The following DLGAP2 variants were observed in gnomAD, a reference collection of about 807,000 sequenced individuals.
DLGAP2 encodes DLG associated protein 2.
Under a neutral mutation model 100.3 loss-of-function variants are expected in DLGAP2, and 26 were observed. That is an observed-to-expected ratio of 0.26 (90% CI 0.19 to 0.36). The LOEUF is 0.36. Among genes scored for constraint, DLGAP2 ranks in the 10% least tolerant of loss-of-function variants. The probability of loss-of-function intolerance (pLI) is 1.00; values close to 1 mark genes in which losing one functional copy is unlikely to be tolerated. For missense variants in DLGAP2, 1,858 were observed against 1,453.2 expected, an observed-to-expected ratio of 1.28 and a Z score of -4.53; for synonymous variants, 886 against 630.1, an observed-to-expected ratio of 1.41 and a Z score of -6.08.
chr8:1,168,151 C>A (rs28412488), intron 2 of DLGAP2, among the ~76,000 whole-genome samples: 20,350 of 149,772 alleles, frequency 0.14, 1,539 homozygotes, highest in East Asian at 0.24. Context: ...TTGTTCTTGC[C>A]ATAGTTTACT....
chr8:1,110,946 G>T (rs1167016582), intron 2 of DLGAP2, among the ~76,000 whole-genome samples: 1 of 152,052 alleles, frequency 6.6e-6, no homozygotes, highest in Non-Finnish European at 1.5e-5. Flanking sequence ...TGTGAGGGTT[G>T]GTTCCTTGGC....
At chr8:1,515,102 A>C (rs1800319795) in intron 4 of DLGAP2, among the ~76,000 whole-genome samples, 1 of 152,156 alleles carries the variant, frequency 6.6e-6, no homozygotes, top group Non-Finnish European at 1.5e-5. Flanking sequence ...GTTTGGCCTG[A>C]AATGGGATGG....
chr8:1,662,882 CG>C (rs1798443854), intron 8 of DLGAP2, among the ~76,000 whole-genome samples: 2 of 110,516 alleles, frequency 1.8e-5, no homozygotes, highest in African/African-American at 7.3e-5. Flanking sequence ...GGTGTGTGCG[CG>C]TGTGTACATG....
chr8:793,397 C>G (rs1224336688), intron 1 of DLGAP2, among the ~76,000 whole-genome samples: 1 of 152,140 alleles, frequency 6.6e-6, no homozygotes, highest in African/African-American at 2.4e-5. Flanking sequence ...CTCCCCTCGC[C>G]CTGATGATTT....
intron 3 of DLGAP2, among the ~76,000 whole-genome samples, chr8:1,424,627 C>G (rs750248954): frequency 3.3e-5 from 5 of 151,978 alleles, no homozygotes; most frequent in African/African-American, 9.7e-5. Context: ...GTCAGATGCA[C>G]AGACAGAAGG....
At chr8:1,697,885 G>A (rs947695683) in intron 14 of DLGAP2, among the ~76,000 whole-genome samples, 9 of 152,158 alleles carry the variant, frequency 5.9e-5, no homozygotes, top group African/African-American at 1.2e-4. Flanking sequence ...CACTTCTTCC[G>A]TGATGCTGTC....
At chr8:1,277,293 G>T (rs1799717884) in intron 3 of DLGAP2, among the ~76,000 whole-genome samples, 1 of 152,086 alleles carries the variant, frequency 6.6e-6, no homozygotes, top group Non-Finnish European at 1.5e-5. Flanking sequence ...AGCCCCCCCA[G>T]TTATTTGGTA....
At position 1,498,402 on chromosome 8, in the gene DLGAP2, C is replaced by T. The variant is rs539447447; in HGVS notation, c.107-2964C>T. Among the ~76,000 whole-genome samples, 43 of 151,868 alleles carry T rather than the reference C, an allele frequency of 2.8e-4. 2 individuals are homozygous for T. Among genetic ancestry groups the T allele is most frequent in the Admixed American group, 2.1e-3 (32 of 15,248 alleles). On this transcript the variant is annotated intron_variant, in intron 3 of 14. Coordinates refer to ENST00000637795, the MANE Select transcript of DLGAP2 (RefSeq NM_001346810.2). ...AATAAAAAAAAAAAAATTACACATT[C>T]GGGATGGAAATATTTTTATTTTGTT...
At chr8:1,293,032 G>A (rs531074002) in intron 3 of DLGAP2, among the ~76,000 whole-genome samples, 3 of 152,258 alleles carry the variant, frequency 2.0e-5, no homozygotes, top group Non-Finnish European at 4.4e-5. Context: ...TGCTTATCCA[G>A]GCCTTTGAGT....
At chr8:1,656,506 C>G (rs1188555050) in intron 8 of DLGAP2, among the ~76,000 whole-genome samples, 1 of 152,152 alleles carries the variant, frequency 6.6e-6, no homozygotes, top group African/African-American at 2.4e-5. Flanking sequence ...GTGCCATCTC[C>G]CCTTCTGACA....
chr8:789,495 G>T (rs146618334), intron 1 of DLGAP2, among the ~76,000 whole-genome samples: 5 of 152,332 alleles, frequency 3.3e-5, no homozygotes, highest in African/African-American at 9.6e-5. Context: ...CGACACTGGG[G>T]ATCACAATTT....
At chr8:1,170,110 C>G (rs1189259244) in intron 2 of DLGAP2, among the ~76,000 whole-genome samples, 2 of 152,122 alleles carry the variant, frequency 1.3e-5, no homozygotes, top group East Asian at 1.9e-4. Context: ...TGAATTTTGT[C>G]AAAGGCCTTT....
chr8:1,100,009 G>A (rs1804522745), intron 2 of DLGAP2, among the ~76,000 whole-genome samples: 1 of 152,202 alleles, frequency 6.6e-6, no homozygotes, highest in Non-Finnish European at 1.5e-5. Context: ...TTCTAGAAAT[G>A]AACAAGTCAT....
intron 6 of DLGAP2, among the ~76,000 whole-genome samples, chr8:1,570,764 A>G (rs548056269): frequency 7.2e-6 from 1 of 139,016 alleles, no homozygotes; most frequent in South Asian, 2.4e-4. Flanking sequence ...GAGAGGGGTG[A>G]ACTGCGGGGG....
At chr8:886,840 T>G (rs1311347833) in intron 1 of DLGAP2, among the ~76,000 whole-genome samples, 2 of 152,236 alleles carry the variant, frequency 1.3e-5, no homozygotes, top group Non-Finnish European at 2.9e-5. Context: ...AGAATGTATA[T>G]TCTGTTGATT....
rs1195097634 is a variant in DLGAP2 at position 1,168,552 on chromosome 8, G to C, written c.74-90299G>C. Among the ~76,000 whole-genome samples the C allele has an allele frequency of 1.3e-3, 193 of 146,738 alleles. 1 individual carries two copies. The highest frequency in any genetic ancestry group is 4.7e-3 in the African/African-American group (186 of 39,624). On this transcript the variant is annotated intron_variant, in intron 2 of 14. Transcript: ENST00000637795. Reference sequence around the variant, plus strand: ...TCCTCTCCAGCACCTGTTGTTTCCTGACTTTTTAATGATCGCCATTCTAAC... The same window carrying C: ...TCCTCTCCAGCACCTGTTGTTTCCTCACTTTTTAATGATCGCCATTCTAAC...
At chr8:824,426 G>T (rs2132691248) in intron 1 of DLGAP2, among the ~76,000 whole-genome samples, 1 of 152,180 alleles carries the variant, frequency 6.6e-6, no homozygotes, top group Middle Eastern at 3.4e-3. Context: ...TGATTTAGAT[G>T]CTGCCAGGGT....
intron 2 of DLGAP2, among the ~76,000 whole-genome samples, chr8:1,178,001 G>C (rs980628798): frequency 1.3e-5 from 2 of 152,202 alleles, no homozygotes; most frequent in Non-Finnish European, 2.9e-5. Flanking sequence ...GGCTGTGGCC[G>C]TGGCCAGTGG....
chr8:1,054,947 A>G (rs1802833640), intron 2 of DLGAP2, among the ~76,000 whole-genome samples: 1 of 152,262 alleles, frequency 6.6e-6, no homozygotes, highest in Non-Finnish European at 1.5e-5. Flanking sequence ...AGTGGCACAC[A>G]AAAATAGTTT....
Sources: allele counts gnomAD v4.1 joint callset (sites outside exome capture counted in the v4.1 genomes callset), GRCh38; gene constraint gnomAD v4.1.1; transcripts MANE v1.5; gene names NCBI Gene and HGNC (gene_info 2026-07-23, HGNC 2026-07-21).